CLVS2: variants seen among roughly 807,000 people sequenced by gnomAD.
CLVS2 encodes the protein clavesin 2.
A neutral mutation model predicts 29.0 loss-of-function variants in CLVS2; 19 were observed. That is an observed-to-expected ratio of 0.66 (90% CI 0.46 to 0.96). The LOEUF is 0.96. CLVS2 is among the 40% of genes least tolerant of loss of function. The pLI is 0.00. For synonymous variants in CLVS2, 161 were observed against 151.3 expected (o/e 1.06, Z -0.47); for missense variants, 294 against 404.1 (o/e 0.73, Z 2.34).
intron 2 of CLVS2, among the ~76,000 whole-genome samples, chr6:123,009,688 T>A (rs183267484): frequency 1.3e-5 from 2 of 152,164 alleles, no homozygotes; most frequent in East Asian, 3.9e-4. Context: ...AAATCTCTCC[T>A]GAGTGTGTCC....
intron 2 of CLVS2, 56 bp from the exon 3 acceptor site, chr6:123,010,929 A>G (rs1774738191): frequency 8.6e-7 from 1 of 1,160,054 alleles, no homozygotes; most frequent in Admixed American, 2.9e-5. Context: ...AATATTTTAT[A>G]GCTTTTTGGA....
intron 3 of CLVS2, among the ~76,000 whole-genome samples, chr6:123,026,140 T>A (rs1774998302): frequency 6.6e-6 from 1 of 152,140 alleles, no homozygotes; most frequent in African/African-American, 2.4e-5. Context: ...GAACAATGAT[T>A]ATGCATAATA....
Position 123,064,164 on chromosome 6 carries a change from A to G in CLVS2, c.*403A>G, listed in dbSNP as rs1243826442. 1 of 154,188 alleles carries G rather than the reference A, an allele frequency of 6.5e-6. No homozygotes were observed. The allele number at this position is 154,188 out of a possible 1,614,324, so 9.6% of individuals were successfully genotyped here. A position where few individuals can be genotyped will look rare whatever the true frequency, so the allele number is the denominator to read the frequency against. ...AAGCCATATTTCAGCTCTCATAGTG[A>G]TTGTTTCATTGTTTTTCTCTGAAAC... On this transcript the variant is annotated 3_prime_UTR_variant, in exon 6 of 6. Transcript: ENST00000275162.
At chr6:123,010,946 G>T in intron 2 of CLVS2, 39 bp from the exon 3 acceptor site, 1 of 1,326,928 alleles carries the variant, frequency 7.5e-7, no homozygotes, top group East Asian at 2.7e-5. Flanking sequence ...TGGAAAAGTG[G>T]TTGTCAGACC....
intron 3 of CLVS2, among the ~76,000 whole-genome samples, chr6:123,045,165 ACAC>A (rs1033900643): frequency 1.2e-4 from 18 of 152,156 alleles, no homozygotes; most frequent in Admixed American, 3.3e-4. Context: ...ACACACACAC[ACAC>A]CACATTTTTG....
rs532351611 is a variant in CLVS2, at chr6:123,001,596, A to G, written c.389+3430A>G. 2.6e-5 allele frequency among the ~76,000 whole-genome samples: 4 copies of G among 152,238 alleles called. No individual in the cohort carries two copies. The South Asian group carries it at 8.3e-4, about 31-fold the overall frequency. On this transcript the variant is annotated intron_variant, in intron 2 of 5. Transcript: ENST00000275162. The stretch of plus-strand genomic sequence containing the variant: ...ACAAAAGTAAATGCCATGGAATTAA[A>G]AACTATTTGACTGTTACACTGCATC...
intron 3 of CLVS2, among the ~76,000 whole-genome samples, chr6:123,034,905 A>G (rs1775129806): frequency 6.6e-6 from 1 of 152,130 alleles, no homozygotes; most frequent in African/African-American, 2.4e-5. Context: ...GAAAAAAAAT[A>G]ATAAATCAAT....
At chr6:123,045,345 C>A (rs1582660386) in intron 3 of CLVS2, among the ~76,000 whole-genome samples, 1 of 152,114 alleles carries the variant, frequency 6.6e-6, no homozygotes, top group Admixed American at 6.6e-5. Context: ...AGGAGGACTA[C>A]AGCTGAATCC....
intron 3 of CLVS2, among the ~76,000 whole-genome samples, chr6:123,015,144 G>C (rs967936753): frequency 2.0e-5 from 3 of 152,022 alleles, no homozygotes; most frequent in South Asian, 2.1e-4. Context: ...GGATGAATCT[G>C]TATTAACATG....
chr6:123,021,439 T>A (rs968175032), intron 3 of CLVS2, among the ~76,000 whole-genome samples: 1 of 151,978 alleles, frequency 6.6e-6, no homozygotes, highest in Non-Finnish European at 1.5e-5. Context: ...TAAAAAAAAA[T>A]TATTATTTTT....
intron 5 of CLVS2, among the ~76,000 whole-genome samples, chr6:123,060,321 G>A (rs760563624): frequency 1.3e-5 from 2 of 152,200 alleles, no homozygotes; most frequent in Non-Finnish European, 2.9e-5. Context: ...TAGAACTGGA[G>A]AGTGTCTTTT....
intron 4 of CLVS2, among the ~76,000 whole-genome samples, chr6:123,051,529 T>C (rs1295518191): frequency 6.6e-6 from 1 of 152,192 alleles, no homozygotes; most frequent in Non-Finnish European, 1.5e-5. Flanking sequence ...ACTACCCTAG[T>C]GTATTCTTCA....
intron 4 of CLVS2, among the ~76,000 whole-genome samples, chr6:123,055,544 T>C (rs1772682166): frequency 6.6e-6 from 1 of 152,162 alleles, no homozygotes; most frequent in Non-Finnish European, 1.5e-5. Flanking sequence ...ACCAAATTTG[T>C]GGTTGCAGCT....
In CLVS2 at chr6:123,067,805, A is replaced by G. The variant is rs1258667055; in HGVS notation, c.*4044A>G. 1.3e-5 allele frequency: 2 copies of G among 151,748 alleles called. No homozygotes were observed. Among genetic ancestry groups the G allele is most frequent in the East Asian group, 3.9e-4 (2 of 5,190 alleles). The allele number at this position is 151,748 out of a possible 1,614,324, so 9.4% of individuals were successfully genotyped here. ...ATTGGAACAAAAGAAGATTGGTTAA[A>G]TATGCAAGGTGTGTAATTATCTTCA... is the stretch of plus-strand genomic sequence containing the variant. On this transcript the variant is annotated 3_prime_UTR_variant, in exon 6 of 6. Transcript: ENST00000275162.
intron 3 of CLVS2, among the ~76,000 whole-genome samples, chr6:123,015,104 A>T (rs1356891052): frequency 6.6e-6 from 1 of 152,058 alleles, no homozygotes; most frequent in Non-Finnish European, 1.5e-5. Flanking sequence ...ACTCTGAACA[A>T]ACATGCAGCT....
Position 123,072,152 on chromosome 6 carries a change from T to C in CLVS2, c.*8391T>C, listed in dbSNP as rs1019447400. On this transcript the variant is annotated 3_prime_UTR_variant, in exon 6 of 6. Transcript: ENST00000275162. ...ATGTTATTCCTTTTCTTCAGCTACA[T>C]TGTTGTGCCTTTCCCAACACTGTAA... is the stretch of plus-strand genomic sequence containing the variant. 6.6e-6 allele frequency: 1 copy of C among 152,170 alleles called. No homozygotes were observed. The highest frequency in any genetic ancestry group is 1.9e-4 in the East Asian group (1 of 5,184). 9.4% of individuals were successfully genotyped at this position (152,170 alleles called of 1,614,324 possible). A position where few individuals can be genotyped will look rare whatever the true frequency, so the allele number is the denominator to read the frequency against.
chr6:123,041,440 A>G (rs74850967), intron 3 of CLVS2, among the ~76,000 whole-genome samples: 2,446 of 152,208 alleles, frequency 0.016, 63 homozygotes, highest in African/African-American at 0.054. Context: ...AAGATATGTC[A>G]CTTGGGCATT....
At chr6:123,056,074 G>A in intron 5 of CLVS2, 48 bp downstream of exon 5, 1 of 1,282,972 alleles carries the variant, frequency 7.8e-7, no homozygotes, top group Middle Eastern at 1.9e-4. Context: ...GGCAGGGAGA[G>A]GCATCCTGAG....
chr6:123,051,375 GC>G (rs1234826457), intron 4 of CLVS2, among the ~76,000 whole-genome samples: 2 of 152,136 alleles, frequency 1.3e-5, no homozygotes, highest in African/African-American at 4.8e-5. Flanking sequence ...TTCACGCAGA[GC>G]CAAACTTCCC....
Sources: gnomAD v4.1 joint callset for allele counts (sites outside exome capture counted in the v4.1 genomes callset) on GRCh38, gnomAD v4.1.1 for gene constraint, MANE v1.5 for transcripts, NCBI Gene and HGNC (gene_info 2026-07-23, HGNC 2026-07-21) for gene names.